CAPN14: variants seen among roughly 807,000 people sequenced by gnomAD.
CAPN14 encodes the protein calpain-14.
In CAPN14, 94 loss-of-function variants were observed where a neutral mutation model predicts 101.3. That is an observed-to-expected ratio of 0.93 (90% CI 0.79 to 1.10). CAPN14 has a LOEUF of 1.10. Among genes scored for constraint, CAPN14 ranks in the 50% least tolerant of loss-of-function variants. CAPN14 has a pLI of 0.00. For synonymous variants in CAPN14, 338 were observed against 317.9 expected (o/e 1.06, Z -0.67); for missense variants, 837 against 828.4 (o/e 1.01, Z -0.13).
Position 31,176,365 on chromosome 2 carries a change from T to C in CAPN14, c.2028+222A>G, listed in dbSNP as rs768923430. On this transcript the variant is annotated intron_variant, in intron 21 of 21. Transcript: ENST00000403897. ...CATGGCATTATTGCAATCAGAGTTA[T>C]TGGATACACCTTTCATATGTGCCTG... is the stretch of plus-strand genomic sequence containing the variant. Among the ~76,000 whole-genome samples, 93 of 152,366 alleles carry C rather than the reference T, an allele frequency of 6.1e-4. 1 individual carries two copies. The highest frequency in any genetic ancestry group is 1.7e-4 in the African/African-American group (7 of 41,598).
chr2:31,228,809 G>A (rs1323087485), intron 1 of CAPN14, among the ~76,000 whole-genome samples: 1 of 152,146 alleles, frequency 6.6e-6, no homozygotes, highest in East Asian at 1.9e-4. Context: ...AGGGTGCTAA[G>A]GCTTGAGAGT....
chr2:31,194,493 GA>G lies in CAPN14; in HGVS notation c.876-11del. On this transcript the variant is annotated splice_polypyrimidine_tract_variant and intron_variant, in intron 8 of 21. Coordinates refer to ENST00000403897, the MANE Select transcript of CAPN14 (RefSeq NM_001145122.2). ...CTCCCATTTACTTGAACTGAAAATAGAAAAGGGAATGAAAAGCTTGTGGGGA... is the reference window on the plus strand; with the variant it reads ...CTCCCATTTACTTGAACTGAAAATAGAAAGGGAATGAAAAGCTTGTGGGGA... The G allele has an allele frequency of 6.5e-7, 1 of 1,545,980 alleles. No individual in the cohort carries two copies. Among genetic ancestry groups the G allele is most frequent in the Non-Finnish European group, 8.8e-7 (1 of 1,141,928 alleles).
At position 31,211,671 on chromosome 2, in the gene CAPN14, G is replaced by GCACACACACACA. The variant is rs34380519; in HGVS notation, c.-53+5773_-53+5784dup. Among the ~76,000 whole-genome samples the GCACACACACACA allele has an allele frequency of 3.5e-4, 53 of 149,456 alleles. 1 individual carries two copies. The highest frequency in any genetic ancestry group is 1.2e-3 in the African/African-American group (47 of 40,616). ...TTATTAAATGAGCACGTGTGCATGTGCACACACACACACACACACACACAC... is the reference window on the plus strand; with the variant it reads ...TTATTAAATGAGCACGTGTGCATGTGCACACACACACACACACACACACACACACACACACAC... On this transcript the variant is annotated intron_variant, in intron 1 of 21. Coordinates refer to ENST00000403897, the MANE Select transcript of CAPN14 (RefSeq NM_001145122.2).
chr2:31,199,674 A>G (rs1338353504), intron 6 of CAPN14, 142 bp from the exon 7 acceptor site: 1 of 651,960 alleles, frequency 1.5e-6, no homozygotes, highest in East Asian at 2.8e-5. Flanking sequence ...TGCAGTTTTC[A>G]AAGCTCTTTG....
rs1478670000 is a variant in CAPN14 at position 31,223,531 on chromosome 2, CT to C, written c.-53+2996del. ...AAGTACTAAGCTTCTGTTTCTTTTT[CT>C]TTTTCTTTTCTTTTTTTTTTTTTTT... is the stretch of plus-strand genomic sequence containing the variant. On this transcript the variant is annotated intron_variant and NMD_transcript_variant, in intron 2 of 21. Coordinates refer to the CAPN14 transcript ENST00000398824. 5.1e-3 allele frequency among the ~76,000 whole-genome samples: 754 copies of C among 146,430 alleles called. 10 individuals carry two copies. Among genetic ancestry groups the C allele is most frequent in the African/African-American group, 0.019 (727 of 38,426 alleles).
chr2:31,192,962 C>A (rs1681268230), intron 10 of CAPN14, among the ~76,000 whole-genome samples, 169 bp downstream of exon 10: 3 of 152,020 alleles, frequency 2.0e-5, no homozygotes, highest in African/African-American at 4.8e-5. Flanking sequence ...CCAAAGGTAC[C>A]CCATCTTCCC....
chr2:31,194,413 A>G lies in CAPN14; in HGVS notation c.946T>C (p.Phe316Leu). The G allele has an allele frequency of 1.3e-6, 2 of 1,550,840 alleles. No homozygotes were observed. The highest frequency in any genetic ancestry group is 1.7e-6 in the Non-Finnish European group (2 of 1,146,308). The change falls in exon 9 of 22, where the codon TTC becomes CTC. Residue 316 changes from phenylalanine (F) to leucine (L), a missense_variant. Physicochemically the swap from Phe to Leu is conservative, Grantham distance 22. Transcript: ENST00000403897. ...CCAAGTCCCTAAGTCCAATACCAGA[A>G]TTCTCCGTCATTGTCTTTCCTCAGA... ...LLLRKDNDGE[F>L]WMTLQDFKTH...
At chr2:31,178,786 C>T (rs1038235324) in intron 17 of CAPN14, among the ~76,000 whole-genome samples, 1 of 151,910 alleles carries the variant, frequency 6.6e-6, no homozygotes, top group African/African-American at 2.4e-5. Context: ...AGAATGAGCC[C>T]AGAGCACAGC....
chr2:31,224,931 T>C (rs570457522), intron 2 of CAPN14, among the ~76,000 whole-genome samples: 2 of 152,196 alleles, frequency 1.3e-5, no homozygotes, highest in South Asian at 2.1e-4. Flanking sequence ...ATTAAAAATA[T>C]GTCATTCCTA....
rs765793610 is a variant in CAPN14, at chr2:31,205,225, G to T, written c.223C>A (p.Pro75Thr). 8 of 1,549,376 alleles carry T rather than the reference G, an allele frequency of 5.2e-6. No individual in the cohort carries two copies. The South Asian group carries it at 9.5e-5, about 18-fold the overall frequency. ...LPPRLQWKRP[P>T]ELHSNPQFYF... ...TGGGCTGACACATTTTGCCTCACCG[G>T]GGGCCTCTTCCACTGCAGGCGGGGT... Residue 75 changes from proline (P) to threonine (T), a missense_variant and splice_region_variant, in exon 2 of 22, where the codon CCG becomes ACG. By Grantham distance (38) the Pro-to-Thr change is conservative. Transcript: ENST00000403897.
chr2:31,179,033 TTTC>T (rs2148671490), intron 17 of CAPN14, among the ~76,000 whole-genome samples: 1 of 146,988 alleles, frequency 6.8e-6, no homozygotes, highest in East Asian at 2.0e-4. Flanking sequence ...CCTACTTTTT[TTTC>T]TTCTTAACAT....
At chr2:31,227,714 A>C (rs886483227) in intron 1 of CAPN14, among the ~76,000 whole-genome samples, 1 of 152,194 alleles carries the variant, frequency 6.6e-6, no homozygotes, top group Non-Finnish European at 1.5e-5. Flanking sequence ...GCCTGATCTC[A>C]TCAGTAGGAA....
At chr2:31,186,341 A>G (rs1220146337) in intron 16 of CAPN14, 87 bp downstream of exon 16, 12 of 907,332 alleles carry the variant, frequency 1.3e-5, no homozygotes, top group Admixed American at 2.8e-5. Flanking sequence ...TAATTCACAC[A>G]TCCCACCAAG....
upstream of CAPN14, among the ~76,000 whole-genome samples, chr2:31,220,940 T>C (rs570407469): frequency 4.6e-5 from 7 of 152,242 alleles, no homozygotes; most frequent in African/African-American, 1.7e-4. Context: ...TTCAGAAGAA[T>C]GAAAGGAAAA....
intron 11 of CAPN14, 23 bp from the exon 12 acceptor site, chr2:31,191,430 G>GAAAAAAAAAA: frequency 1.6e-6 from 2 of 1,277,968 alleles, no homozygotes; most frequent in African/African-American, 1.9e-5. Context: ...AACAAAAACA[G>GAAAAAAAAAA]AAAAAAAAAA....
upstream of CAPN14, among the ~76,000 whole-genome samples, chr2:31,220,489 G>A (rs1177912610): frequency 6.6e-6 from 1 of 152,208 alleles, no homozygotes; most frequent in Non-Finnish European, 1.5e-5. Context: ...ACAGACAGGG[G>A]ATGTCAGGCT....
chr2:31,224,364 T>C lies in CAPN14; in HGVS notation c.-53+2164A>G, dbSNP rs138768794. ...AGATACTACACACTAGATGCTTTGC[T>C]TTGGTAGAATATTTTTTTTATCCAG... On this transcript the variant is annotated intron_variant and NMD_transcript_variant, in intron 2 of 21. Coordinates refer to the CAPN14 transcript ENST00000398824. 4.2e-3 allele frequency among the ~76,000 whole-genome samples: 644 copies of C among 152,258 alleles called. 6 individuals are homozygous for C. The highest frequency in any genetic ancestry group is 0.015 in the African/African-American group (620 of 41,538).
intron 2 of CAPN14, among the ~76,000 whole-genome samples, chr2:31,226,333 T>C (rs1683020402): frequency 6.6e-6 from 1 of 152,214 alleles, no homozygotes. Context: ...TGTTATAACA[T>C]ATAAGGTTAT....
In CAPN14 at chr2:31,225,671, A is replaced by C. The variant is rs116617296; in HGVS notation, c.-53+857T>G. On this transcript the variant is annotated intron_variant and NMD_transcript_variant, in intron 2 of 21. Transcript: ENST00000398824. ...TATTGAATATAGTTAATTAGATTAC[A>C]GAATTTCCATATGGCTGAATATTAG... Among the ~76,000 whole-genome samples the C allele has an allele frequency of 7.6e-3, 1,153 of 152,266 alleles. 10 individuals carry two copies. The highest frequency in any genetic ancestry group is 0.011 in the Non-Finnish European group (727 of 67,972).
Sources: gnomAD v4.1 joint callset for allele counts (sites outside exome capture counted in the v4.1 genomes callset) on GRCh38, gnomAD v4.1.1 for gene constraint, MANE v1.5 for transcripts, NCBI Gene and HGNC (gene_info 2026-07-23, HGNC 2026-07-21) for gene names.